Variants in KIAA1549L observed in about 807,000 individuals in gnomAD.
KIAA1549L encodes KIAA1549 like, also known as UPF0606 protein KIAA1549L.
In KIAA1549L, 88 loss-of-function variants were observed where a neutral mutation model predicts 160.7. The observed-to-expected ratio is 0.55, with a 90% CI of 0.46 to 0.65. The LOEUF (loss-of-function observed/expected upper bound fraction) is 0.65. KIAA1549L is among the 30% of genes least tolerant of loss of function. KIAA1549L has a pLI of 0.00. For missense variants in KIAA1549L, 2,258 were observed against 2,437.5 expected (o/e 0.93, Z 1.55); for synonymous variants, 950 against 976.7 (o/e 0.97, Z 0.51).
intron 16 of KIAA1549L, among the ~76,000 whole-genome samples, chr11:33,631,467 T>C (rs1395951872): frequency 2.0e-5 from 3 of 152,270 alleles, no homozygotes; most frequent in Non-Finnish European, 4.4e-5. Context: ...GTAGAGTTTC[T>C]TCATATGGTG....
chr11:33,643,349 C>G, intron 16 of KIAA1549L, among the ~76,000 whole-genome samples: 1 of 152,152 alleles, frequency 6.6e-6, no homozygotes, highest in Non-Finnish European at 1.5e-5. Flanking sequence ...CAGTACTACC[C>G]CACCCCAGGG....
chr11:33,392,030 C>A (rs1359907221), intron 1 of KIAA1549L, among the ~76,000 whole-genome samples: 1 of 152,138 alleles, frequency 6.6e-6, no homozygotes, highest in Non-Finnish European at 1.5e-5. Flanking sequence ...GTCCCCATGA[C>A]GATGACACTG....
intron 1 of KIAA1549L, among the ~76,000 whole-genome samples, chr11:33,485,798 C>T (rs1590280270): frequency 6.6e-6 from 1 of 152,224 alleles, no homozygotes; most frequent in Non-Finnish European, 1.5e-5. Context: ...CAACCCCAGC[C>T]CCTGGTAACC....
At chr11:33,590,637 T>C (rs1850025209) in intron 11 of KIAA1549L, among the ~76,000 whole-genome samples, 1 of 152,262 alleles carries the variant, frequency 6.6e-6, no homozygotes, top group South Asian at 2.1e-4. Context: ...TCCATTTCAT[T>C]ATTAATGATT....
chr11:33,547,222 C>T lies in KIAA1549L; in HGVS notation c.3386-542C>T, dbSNP rs1353217348. On this transcript the variant is annotated intron_variant, in intron 3 of 20. Transcript: ENST00000658780. ...AGTTCCTATGGAAATTTTCCCTGAT[C>T]CCCATCCCTTTACCAAACTCAGGGC... Among the ~76,000 whole-genome samples, 8 of 152,250 alleles carry T rather than the reference C, an allele frequency of 5.3e-5. No individual in the cohort carries two copies. In the East Asian group the frequency reaches 1.5e-3, roughly 29 times the overall value.
intron 16 of KIAA1549L, among the ~76,000 whole-genome samples, chr11:33,630,489 A>G (rs534465775): frequency 0.023 from 3,482 of 152,254 alleles, 140 homozygotes; most frequent in African/African-American, 0.074. Context: ...CTGGTGCGCC[A>G]TTTTTTAAGC....
At chr11:33,583,223 A>T in intron 10 of KIAA1549L, 115 bp from the exon 11 acceptor site, 3 of 999,642 alleles carry the variant, frequency 3.0e-6, no homozygotes, top group Non-Finnish European at 4.3e-6. Context: ...AAACCCTCTT[A>T]ACCTCCCACG....
chr11:33,483,136 T>C (rs953632818), intron 1 of KIAA1549L, among the ~76,000 whole-genome samples: 10 of 152,146 alleles, frequency 6.6e-5, no homozygotes, highest in African/African-American at 2.2e-4. Flanking sequence ...CCTTTCCTTC[T>C]GGTGTCTTTG....
intron 9 of KIAA1549L, among the ~76,000 whole-genome samples, chr11:33,573,593 CTT>C (rs932319091): frequency 9.9e-5 from 15 of 152,030 alleles, no homozygotes; most frequent in African/African-American, 3.6e-4. Flanking sequence ...AATTTTTAGT[CTT>C]TTTACTGTTA....
chr11:33,525,668 G>A (rs1230819570), intron 1 of KIAA1549L, among the ~76,000 whole-genome samples: 2 of 152,218 alleles, frequency 1.3e-5, no homozygotes, highest in East Asian at 3.9e-4. Context: ...GCAGGGAGAG[G>A]TAAAGCCTGA....
chr11:33,453,778 G>T (rs1851768121), intron 1 of KIAA1549L, among the ~76,000 whole-genome samples: 1 of 152,176 alleles, frequency 6.6e-6, no homozygotes. Context: ...TGCAGTTTCT[G>T]CTTTGAGTAA....
chr11:33,377,605 C>G (rs1245805469), intron 1 of KIAA1549L, among the ~76,000 whole-genome samples: 1 of 152,112 alleles, frequency 6.6e-6, no homozygotes, highest in Non-Finnish European at 1.5e-5. Context: ...GTGCAGTAAG[C>G]AGTTGTCCTG....
intron 1 of KIAA1549L, among the ~76,000 whole-genome samples, chr11:33,501,484 C>G (rs570213116): frequency 2.1e-4 from 32 of 152,172 alleles, no homozygotes; most frequent in African/African-American, 7.2e-4. Flanking sequence ...CTTCTATATT[C>G]CAGGAACTGT....
At chr11:33,651,116 G>A (rs929186132) in intron 17 of KIAA1549L, among the ~76,000 whole-genome samples, 1 of 152,090 alleles carries the variant, frequency 6.6e-6, no homozygotes, top group African/African-American at 2.4e-5. Flanking sequence ...CTTGTTTATG[G>A]CATCAAACTG....
Position 33,629,804 on chromosome 11 carries a change from C to T in KIAA1549L, c.5409+11142C>T, listed in dbSNP as rs1249045824. On this transcript the variant is annotated intron_variant, in intron 16 of 20. Transcript: ENST00000658780. ...CTCTCAGCTCGTCAAAGTCATTCTCCGTCCAGCTTTGTTCCGTTGCTGGTG... is the reference window on the plus strand; with the variant it reads ...CTCTCAGCTCGTCAAAGTCATTCTCTGTCCAGCTTTGTTCCGTTGCTGGTG... Among the ~76,000 whole-genome samples, 10 of 150,568 alleles carry T rather than the reference C, an allele frequency of 6.6e-5. No homozygotes were observed. In the East Asian group the frequency reaches 1.4e-3, roughly 20 times the overall value.
intron 1 of KIAA1549L, among the ~76,000 whole-genome samples, chr11:33,418,211 G>C (rs780903987): frequency 2.6e-5 from 4 of 152,162 alleles, no homozygotes; most frequent in Non-Finnish European, 4.4e-5. Flanking sequence ...TTGTTGGCTG[G>C]TATGACCTGG....
chr11:33,487,993 C>G (rs1852568436), intron 1 of KIAA1549L, among the ~76,000 whole-genome samples: 1 of 152,216 alleles, frequency 6.6e-6, no homozygotes, highest in African/African-American at 2.4e-5. Context: ...AGTCCAGGAA[C>G]TGGGCATTGC....
intron 12 of KIAA1549L, among the ~76,000 whole-genome samples, chr11:33,592,770 G>A (rs1249387844): frequency 2.6e-5 from 4 of 152,208 alleles, no homozygotes; most frequent in African/African-American, 7.2e-5. Flanking sequence ...AATGGAGAAG[G>A]AGACATAGTG....
intron 10 of KIAA1549L, among the ~76,000 whole-genome samples, chr11:33,575,789 G>T (rs11032299): frequency 0.068 from 10,350 of 152,198 alleles, 823 homozygotes; most frequent in African/African-American, 0.17. Flanking sequence ...ATTGCCTGGG[G>T]TGCTGACACC....
Sources: gnomAD v4.1 joint callset for allele counts (sites outside exome capture counted in the v4.1 genomes callset) on GRCh38, gnomAD v4.1.1 for gene constraint, MANE v1.5 for transcripts, NCBI Gene and HGNC (gene_info 2026-07-23, HGNC 2026-07-21) for gene names.